SGCD: variants seen among roughly 807,000 people sequenced by gnomAD.
SGCD encodes delta-sarcoglycan.
SGCD carries 18 observed loss-of-function variants against 36.6 expected under a neutral mutation model. That is an observed-to-expected ratio of 0.49 (90% CI 0.34 to 0.73). The LOEUF is 0.73. Among genes scored for constraint, SGCD ranks in the 30% least tolerant of loss-of-function variants. The probability of loss-of-function intolerance (pLI) is 0.01; values close to 1 mark genes in which losing one functional copy is unlikely to be tolerated. For synonymous variants in SGCD, 133 were observed against 130.6 expected, an observed-to-expected ratio of 1.02 and a Z score of -0.12; for missense variants, 387 against 346.7, an observed-to-expected ratio of 1.12 and a Z score of -0.92.
chr5:156,572,933 A>G (rs932975162), intron 4 of SGCD, among the ~76,000 whole-genome samples: 3 of 152,232 alleles, frequency 2.0e-5, no homozygotes, highest in Non-Finnish European at 4.4e-5. Flanking sequence ...ACCTGTCCAC[A>G]AAATTAGAAA....
the SGCD span, among the ~76,000 whole-genome samples, chr5:155,840,303 G>C: frequency 9.9e-5 from 15 of 150,886 alleles, no homozygotes; most frequent in African/African-American, 3.7e-4. Flanking sequence ...GAGTGCAGTG[G>C]CGTGATCTCG....
intron 6 of SGCD, among the ~76,000 whole-genome samples, chr5:156,610,479 C>T (rs1761739757): frequency 6.6e-6 from 1 of 152,236 alleles, no homozygotes; most frequent in Non-Finnish European, 1.5e-5. Context: ...AGTTAGGCTC[C>T]TCGGGGGTCA....
At position 156,317,038 on chromosome 5, in the gene SGCD, A is replaced by G. The variant is rs532018594; in HGVS notation, c.-43-12496A>G. 9.9e-5 allele frequency among the ~76,000 whole-genome samples: 15 copies of G among 152,270 alleles called. No homozygotes were observed. The East Asian group carries it at 2.1e-3, about 22-fold the overall frequency. On this transcript the variant is annotated intron_variant, in intron 3 of 9. Transcript: ENST00000517913. ...GGTCTGTAAATGTACCCTCTAAATC[A>G]TAAGAATTAATTGTGATAATTAAGT...
chr5:155,831,577 C>T, the SGCD span, among the ~76,000 whole-genome samples: 6 of 152,276 alleles, frequency 3.9e-5, no homozygotes, highest in South Asian at 4.2e-4. Flanking sequence ...TTTTTAATTT[C>T]GGCTTACAAT....
intron 7 of SGCD, among the ~76,000 whole-genome samples, chr5:156,744,277 G>C (rs1387095070): frequency 6.6e-6 from 1 of 152,218 alleles, no homozygotes; most frequent in Non-Finnish European, 1.5e-5. Context: ...GGTTTGGAAG[G>C]TGAGAATGCA....
chr5:156,350,656 G>T (rs1001482186), intron 3 of SGCD, among the ~76,000 whole-genome samples: 8 of 152,014 alleles, frequency 5.3e-5, no homozygotes, highest in Non-Finnish European at 2.9e-5. Flanking sequence ...AGGAGATTGA[G>T]ACTACATATT....
chr5:155,767,451 T>C, the SGCD span, among the ~76,000 whole-genome samples: 1 of 152,208 alleles, frequency 6.6e-6, no homozygotes. Flanking sequence ...CAAACTACAT[T>C]TTCTGCTTAC....
chr5:156,498,274 A>AAAC (rs1756290235), intron 3 of SGCD, among the ~76,000 whole-genome samples: 1 of 152,104 alleles, frequency 6.6e-6, no homozygotes, highest in South Asian at 2.1e-4. Flanking sequence ...AAAAAAAAAA[A>AAAC]AAAACACCTC....
At chr5:156,747,866 T>C (rs1757005115) in intron 7 of SGCD, among the ~76,000 whole-genome samples, 1 of 152,174 alleles carries the variant, frequency 6.6e-6, no homozygotes, top group Non-Finnish European at 1.5e-5. Context: ...GCCTGTCTTA[T>C]AACCTAGTCA....
intron 3 of SGCD, among the ~76,000 whole-genome samples, chr5:156,427,861 C>A (rs1242633217): frequency 2.6e-5 from 4 of 152,108 alleles, no homozygotes; most frequent in Non-Finnish European, 5.9e-5. Flanking sequence ...ATATGCTAAA[C>A]CATCCCTGTA....
At chr5:155,956,636 C>T (rs751386446) in intron 1 of SGCD, among the ~76,000 whole-genome samples, 2 of 152,244 alleles carry the variant, frequency 1.3e-5, no homozygotes, top group East Asian at 3.9e-4. Context: ...TCAGCAGGGC[C>T]GTGCTCCCTT....
chr5:156,544,313 AACCT>A (rs555240182), intron 4 of SGCD, among the ~76,000 whole-genome samples: 59 of 152,294 alleles, frequency 3.9e-4, no homozygotes, highest in Admixed American at 1.6e-3. Context: ...TGGATCACTC[AACCT>A]ACCTGGTAAT....
chr5:156,464,636 G>A (rs917666232), intron 3 of SGCD, among the ~76,000 whole-genome samples: 2 of 152,134 alleles, frequency 1.3e-5, no homozygotes. Context: ...TGAAATCAAA[G>A]CAATGGTAAG....
At chr5:156,286,043 C>T (rs1766588103) in intron 3 of SGCD, among the ~76,000 whole-genome samples, 1 of 152,150 alleles carries the variant, frequency 6.6e-6, no homozygotes, top group Admixed American at 6.6e-5. Context: ...CAAAAGAAGA[C>T]ATTTATGCAG....
chr5:156,757,799 G>T, intron 8 of SGCD, 95 bp downstream of exon 8: 1 of 1,437,898 alleles, frequency 7.0e-7, no homozygotes, highest in Admixed American at 2.7e-5. Flanking sequence ...ATCCTACAGT[G>T]TATCAACAAA....
intron 3 of SGCD, among the ~76,000 whole-genome samples, chr5:156,286,139 A>T (rs201400485): frequency 2.0e-5 from 3 of 152,186 alleles, no homozygotes; most frequent in African/African-American, 4.8e-5. Flanking sequence ...ATCTCACACC[A>T]GTTAGAATGG....
intron 3 of SGCD, among the ~76,000 whole-genome samples, chr5:156,186,668 C>G (rs1763769517): frequency 6.6e-6 from 1 of 152,162 alleles, no homozygotes; most frequent in African/African-American, 2.4e-5. Context: ...CTTTCTTGGG[C>G]TCTAGCCTGG....
chr5:156,155,320 T>A (rs1316873539), intron 3 of SGCD, among the ~76,000 whole-genome samples: 1 of 151,576 alleles, frequency 6.6e-6, no homozygotes, highest in Non-Finnish European at 1.5e-5. Context: ...AGATTATGTT[T>A]CTTCTAAAAA....
chr5:156,156,832 C>T (rs1041134885), intron 3 of SGCD, among the ~76,000 whole-genome samples: 1 of 151,428 alleles, frequency 6.6e-6, no homozygotes, highest in Non-Finnish European at 1.5e-5. Flanking sequence ...CTAGTGTAGG[C>T]ATTCTTAGTA....
Sources: gnomAD v4.1 joint callset for allele counts (sites outside exome capture counted in the v4.1 genomes callset) on GRCh38, gnomAD v4.1.1 for gene constraint, MANE v1.5 for transcripts, NCBI Gene and HGNC (gene_info 2026-07-23, HGNC 2026-07-21) for gene names.